DUSP26: variants seen among roughly 807,000 people sequenced by gnomAD.
DUSP26 encodes the protein dual specificity protein phosphatase 26.
A neutral mutation model predicts 20.0 loss-of-function variants in DUSP26; 12 were observed. The observed-to-expected ratio is 0.60, with a 90% CI of 0.38 to 0.97. DUSP26 has a LOEUF of 0.97. DUSP26 is among the 50% of genes least tolerant of loss of function. The pLI, the probability that DUSP26 is intolerant of heterozygous loss-of-function variation, is 0.00. For missense variants in DUSP26, 230 were observed against 294.0 expected (o/e 0.78, Z 1.59); for synonymous variants, 120 against 118.8 (o/e 1.01, Z -0.06).
Position 33,597,500 on chromosome 8 carries a change from A to G in DUSP26, c.16T>C (p.Trp6Arg). 6.2e-7 allele frequency: 1 copy of G among 1,612,444 alleles called. No individual in the cohort carries two copies. Among genetic ancestry groups the G allele is most frequent in the South Asian group, 1.1e-5 (1 of 90,822 alleles). ...ATAAAAGTCATAGAAGCCCAAAGCC[A>G]GTTACCAGGGCACATCTTAGAGGTG... MCPGN[W>R]LWASMTFMAR... is the part of the protein sequence containing the mutation. Residue 6 changes from tryptophan to arginine, a missense_variant, in exon 2 of 4, where the codon TGG becomes CGG. Transcript: ENST00000256261.
chr8:33,597,268 C>T lies in DUSP26; in HGVS notation c.221+27G>A, dbSNP rs112800969. The T allele has an allele frequency of 1.3e-4, 208 of 1,584,926 alleles. 4 individuals carry two copies. Among genetic ancestry groups the T allele is most frequent in the South Asian group, 8.2e-4 (72 of 88,240 alleles). On this transcript the variant is annotated intron_variant, in intron 2 of 3. Coordinates refer to ENST00000256261, the MANE Select transcript of DUSP26 (RefSeq NM_024025.3). ...ACACACAAACACACACACGCTCTAC[C>T]GTGGGCCCAGTCTGCCCGATACATA...
chr8:33,592,223 A>G lies in DUSP26; in HGVS notation c.437-11T>C, dbSNP rs2128845791. 1 of 1,585,124 alleles carries G rather than the reference A, an allele frequency of 6.3e-7. No homozygotes were observed. The highest frequency in any genetic ancestry group is 1.1e-5 in the South Asian group (1 of 87,572). ...GCACCAGGATCTTCCCTGAGAGGAGAGACACAGAGAGAGCTTTGAGACTGC... is the reference window on the plus strand; with the variant it reads ...GCACCAGGATCTTCCCTGAGAGGAGGGACACAGAGAGAGCTTTGAGACTGC... On this transcript the variant is annotated splice_polypyrimidine_tract_variant and intron_variant, in intron 3 of 3. Coordinates refer to ENST00000256261, the MANE Select transcript of DUSP26 (RefSeq NM_024025.3).
rs757739334 is a variant in DUSP26 at position 33,593,727 on chromosome 8, C to T, written c.242G>A (p.Arg81Gln). 9.9e-6 allele frequency: 16 copies of T among 1,614,034 alleles called. No homozygotes were observed. The highest frequency in any genetic ancestry group is 8.0e-5 in the African/African-American group (6 of 74,930). Residue 81 changes from arginine to glutamine, a missense_variant, in exon 3 of 4, where the codon CGG becomes CAG. Coordinates refer to ENST00000256261, the MANE Select transcript of DUSP26 (RefSeq NM_024025.3). ...CGTGATGCCCAGGCGGCGAAGCTCC[C>T]GGCGGTTGTTAGCCATGTCCCTGCA... ...LGDQDMANNR[R>Q]ELRRLGITHV...
At chr8:33,592,293 G>A (rs1585376309) in intron 3 of DUSP26, 81 bp from the exon 4 acceptor site, 13 of 1,352,898 alleles carry the variant, frequency 9.6e-6, no homozygotes, top group East Asian at 2.6e-5. Flanking sequence ...ACATGGGGCC[G>A]GGCATGGTGG....
intron 2 of DUSP26, among the ~76,000 whole-genome samples, chr8:33,594,100 G>A (rs528686370): frequency 1.3e-5 from 2 of 151,938 alleles, no homozygotes; most frequent in African/African-American, 2.4e-5. Flanking sequence ...GATGACAGAC[G>A]TGAGCTACCA....
intron 2 of DUSP26, among the ~76,000 whole-genome samples, chr8:33,596,344 G>A (rs1021526858): frequency 2.6e-5 from 4 of 152,050 alleles, no homozygotes; most frequent in Non-Finnish European, 2.9e-5. Flanking sequence ...TTGAGAGGCC[G>A]AGACAGGTGG....
chr8:33,600,017 C>G lies in DUSP26; in HGVS notation c.-429G>C, dbSNP rs1299832775. ...CATGCGTGTGTTCTCAGAGCTGCAC[C>G]AATTACAAAGCGTTTTGCCTAAAGA... On this transcript the variant is annotated 5_prime_UTR_variant, in exon 1 of 4. Transcript: ENST00000256261. The G allele has an allele frequency of 6.6e-6, 1 of 152,248 alleles. No homozygotes were observed. The highest frequency in any genetic ancestry group is 1.5e-5 in the Non-Finnish European group (1 of 68,056). The allele number at this position is 152,248 out of a possible 1,614,324, so 9.4% of individuals were successfully genotyped here. A position where few individuals can be genotyped will look rare whatever the true frequency, so the allele number is the denominator to read the frequency against.
chr8:33,592,437 G>A (rs1811044181), intron 3 of DUSP26, among the ~76,000 whole-genome samples: 1 of 150,630 alleles, frequency 6.6e-6, no homozygotes, highest in African/African-American at 2.4e-5. Context: ...TGGGCGTGGT[G>A]GCCCATGCCT....
intron 3 of DUSP26, among the ~76,000 whole-genome samples, chr8:33,593,287 A>C (rs1044884951): frequency 6.6e-6 from 1 of 152,112 alleles, no homozygotes; most frequent in Non-Finnish European, 1.5e-5. Flanking sequence ...AACAAAAAAG[A>C]AAAAGTCGAT....
intron 2 of DUSP26, among the ~76,000 whole-genome samples, chr8:33,596,591 AAAAG>A (rs750712445): frequency 9.2e-5 from 14 of 152,070 alleles, no homozygotes; most frequent in Non-Finnish European, 2.9e-5. Flanking sequence ...AAAAAAAAAT[AAAAG>A]AAAGAAACCA....
chr8:33,597,668 G>A, intron 1 of DUSP26, 77 bp from the exon 2 acceptor site: 1 of 642,138 alleles, frequency 1.6e-6, no homozygotes, highest in South Asian at 2.1e-5. Context: ...TGGTCCTTCG[G>A]GAGAAGATTC....
At chr8:33,593,923 G>A (rs981432738) in intron 2 of DUSP26, among the ~76,000 whole-genome samples, 176 bp from the exon 3 acceptor site, 3 of 152,022 alleles carry the variant, frequency 2.0e-5, no homozygotes, top group Non-Finnish European at 2.9e-5. Context: ...GGGTTCAAAC[G>A]ATTCTCCTGC....
chr8:33,599,466 T>G (rs1811222416), intron 1 of DUSP26, among the ~76,000 whole-genome samples, 199 bp downstream of exon 1: 1 of 152,164 alleles, frequency 6.6e-6, no homozygotes, highest in Non-Finnish European at 1.5e-5. Flanking sequence ...AACAGGTCCA[T>G]GGCTGTCGCC....
intron 2 of DUSP26, among the ~76,000 whole-genome samples, chr8:33,595,721 G>A (rs1811129270): frequency 1.3e-5 from 2 of 152,030 alleles, no homozygotes; most frequent in South Asian, 4.2e-4. Flanking sequence ...GTGTTCATCC[G>A]GCCCAGACCC....
chr8:33,598,498 G>T (rs552392827), intron 1 of DUSP26, among the ~76,000 whole-genome samples: 1 of 150,158 alleles, frequency 6.7e-6, no homozygotes, highest in Non-Finnish European at 1.5e-5. Context: ...GGGGGACAGG[G>T]GTGGGTGGTG....
chr8:33,598,403 G>A (rs1286413683), intron 1 of DUSP26, among the ~76,000 whole-genome samples: 1 of 146,280 alleles, frequency 6.8e-6, no homozygotes, highest in African/African-American at 2.5e-5. Context: ...GTCTGTGTGT[G>A]TCTTGAGGGG....
At chr8:33,596,479 G>A (rs2128847033) in intron 2 of DUSP26, among the ~76,000 whole-genome samples, 1 of 152,144 alleles carries the variant, frequency 6.6e-6, no homozygotes, top group Middle Eastern at 3.4e-3. Context: ...CTACTCTGGA[G>A]GCTGAGGCAG....
intron 2 of DUSP26, among the ~76,000 whole-genome samples, chr8:33,596,690 T>G (rs117666391): frequency 1.9e-3 from 296 of 152,300 alleles, no homozygotes; most frequent in Non-Finnish European, 3.3e-3. Context: ...TTTGATGTTT[T>G]TCTCTCCATA....
chr8:33,594,768 G>A (rs1458316256), intron 2 of DUSP26, among the ~76,000 whole-genome samples: 1 of 149,556 alleles, frequency 6.7e-6, no homozygotes, highest in Non-Finnish European at 1.5e-5. Flanking sequence ...ATGTCTCCCA[G>A]GCTGAAGTGC....
Sources: allele counts gnomAD v4.1 joint callset (sites outside exome capture counted in the v4.1 genomes callset), GRCh38; gene constraint gnomAD v4.1.1; transcripts MANE v1.5; gene names NCBI Gene and HGNC (gene_info 2026-07-23, HGNC 2026-07-21).